The following ZNF567 variants were observed in gnomAD, a reference collection of about 807,000 sequenced individuals.
The protein encoded by ZNF567 is zinc finger protein 567.
A neutral mutation model predicts 53.9 loss-of-function variants in ZNF567; 36 were observed. That is an observed-to-expected ratio of 0.67 (90% CI 0.51 to 0.88). The LOEUF is 0.88. Among genes scored for constraint, ZNF567 ranks in the 40% least tolerant of loss-of-function variants. The probability of loss-of-function intolerance (pLI) is 0.00; values close to 1 mark genes in which losing one functional copy is unlikely to be tolerated. For missense variants in ZNF567, 619 were observed against 764.7 expected (o/e 0.81, Z 2.25); for synonymous variants, 224 against 260.4 (o/e 0.86, Z 1.35).
the ZNF567 span, among the ~76,000 whole-genome samples, chr19:36,680,171 A>G: frequency 6.6e-6 from 1 of 152,210 alleles, no homozygotes; most frequent in Admixed American, 6.5e-5. Flanking sequence ...GTACAAATAT[A>G]TACAATTATT....
intron 3 of ZNF567, among the ~76,000 whole-genome samples, chr19:36,699,706 T>G (rs1385534923): frequency 2.0e-5 from 3 of 152,212 alleles, no homozygotes; most frequent in Non-Finnish European, 2.9e-5. Flanking sequence ...CGTTCACTCA[T>G]GATTTGGCTC....
intron 3 of ZNF567, among the ~76,000 whole-genome samples, chr19:36,696,432 A>C (rs567615430): frequency 1.3e-5 from 2 of 152,194 alleles, no homozygotes; most frequent in East Asian, 3.9e-4. Context: ...CTCCAGCTAG[A>C]TATCGCCACC....
intron 3 of ZNF567, among the ~76,000 whole-genome samples, chr19:36,696,810 G>A (rs1004881259): frequency 1.3e-5 from 2 of 152,024 alleles, no homozygotes; most frequent in Non-Finnish European, 2.9e-5. Flanking sequence ...TTTTATTATG[G>A]TAAAATATAC....
Position 36,718,972 on chromosome 19 carries a change from T to G in ZNF567, c.248T>G (p.Phe83Cys), listed in dbSNP as rs1378449454. 6.4e-7 allele frequency: 1 copy of G among 1,565,964 alleles called. No homozygotes were observed. Among genetic ancestry groups the G allele is most frequent in the South Asian group, 1.2e-5 (1 of 82,878 alleles). ...CLEENWKAED[F>C]LVKFKEHQEK... The stretch of plus-strand genomic sequence containing the variant: ...GAAGAAAACTGGAAAGCTGAAGACT[T>G]TTTAGTGAAATTCAAGGAACACCAA... The change falls in exon 6 of 6, where the codon TTT becomes TGT. Residue 83 changes from phenylalanine to cysteine, a missense_variant. By Grantham distance (205) the Phe-to-Cys change is radical. Coordinates refer to ENST00000682579, the MANE Select transcript of ZNF567 (RefSeq NM_001322917.1).
chr19:36,710,280 C>CTT (rs35115492), intron 3 of ZNF567, among the ~76,000 whole-genome samples: 103 of 76,092 alleles, frequency 1.4e-3, no homozygotes, highest in African/African-American at 1.6e-3. Flanking sequence ...ACTTTGAAGC[C>CTT]TTTTTTTTTT....
At chr19:36,677,133 C>G in the ZNF567 span, among the ~76,000 whole-genome samples, 6 of 102,878 alleles carry the variant, frequency 5.8e-5, no homozygotes, top group Non-Finnish European at 9.0e-5. Context: ...CTAGCCTGGG[C>G]AACAAGAGCG....
chr19:36,713,643 C>A (rs1045649119), intron 5 of ZNF567, among the ~76,000 whole-genome samples: 3 of 150,864 alleles, frequency 2.0e-5, no homozygotes, highest in Non-Finnish European at 4.4e-5. Context: ...TTTTAAATAT[C>A]ACTCTCTCCG....
chr19:36,694,843 G>A lies in ZNF567; in HGVS notation c.-25G>A. The A allele has an allele frequency of 1.3e-6, 2 of 1,523,950 alleles. No individual in the cohort carries two copies. Among genetic ancestry groups the A allele is most frequent in the Non-Finnish European group, 1.7e-6 (2 of 1,143,720 alleles). 94.4% of individuals were successfully genotyped at this position (1,523,950 alleles called of 1,614,324 possible). ...AAAGAGGACTCCAAAGGAAGGACTG[G>A]TCATCTCTTTCATATCTCAAAACCA... On this transcript the variant is annotated 5_prime_UTR_variant, in exon 3 of 6. Transcript: ENST00000682579.
At chr19:36,708,147 C>A (rs2039596063) in intron 3 of ZNF567, among the ~76,000 whole-genome samples, 1 of 152,164 alleles carries the variant, frequency 6.6e-6, no homozygotes, top group African/African-American at 2.4e-5. Context: ...GTCTCAGCTT[C>A]CCAGAGTTCT....
At chr19:36,668,138 T>A in the ZNF567 span, 5 of 152,206 alleles carry the variant, frequency 3.3e-5, no homozygotes, top group Non-Finnish European at 7.3e-5. Context: ...AAAGACAGGG[T>A]CTCGCTATGT....
chr19:36,691,694 C>T (rs2038620545), intron 2 of ZNF567, among the ~76,000 whole-genome samples: 1 of 152,154 alleles, frequency 6.6e-6, no homozygotes, highest in Non-Finnish European at 1.5e-5. Context: ...GTAATTTCAT[C>T]TCATATAAAA....
chr19:36,716,524 A>G (rs969157420), intron 5 of ZNF567, among the ~76,000 whole-genome samples: 13 of 152,212 alleles, frequency 8.5e-5, no homozygotes, highest in African/African-American at 2.7e-4. Flanking sequence ...CTCAAAAATA[A>G]GATCCCTTTT....
At chr19:36,723,558 G>A (rs1192576480), downstream of ZNF567, among the ~76,000 whole-genome samples, 1 of 152,146 alleles carries the variant, frequency 6.6e-6, no homozygotes, top group Non-Finnish European at 1.5e-5. Context: ...TTTTGAGGCT[G>A]GGCGTGGTGT....
the ZNF567 span, among the ~76,000 whole-genome samples, chr19:36,675,175 TAA>T: frequency 1.3e-5 from 2 of 152,216 alleles, no homozygotes; most frequent in Non-Finnish European, 2.9e-5. Flanking sequence ...CAAGTATACT[TAA>T]GTTTAAATTT....
chr19:36,698,714 AAATGTCTTCTT>A (rs2039019023), intron 3 of ZNF567, among the ~76,000 whole-genome samples: 1 of 151,926 alleles, frequency 6.6e-6, no homozygotes, highest in East Asian at 1.9e-4. Flanking sequence ...TTGGCTGCAT[AAATGTCTTCTT>A]TTGAGAAGTG....
downstream of ZNF567, among the ~76,000 whole-genome samples, chr19:36,722,252 A>G (rs1369596987): frequency 6.6e-6 from 1 of 152,176 alleles, no homozygotes; most frequent in Non-Finnish European, 1.5e-5. Context: ...TATAACCAGT[A>G]TTTACTATGT....
intron 3 of ZNF567, among the ~76,000 whole-genome samples, chr19:36,695,116 A>C (rs3108563): frequency 2.0e-5 from 3 of 151,254 alleles, no homozygotes; most frequent in Middle Eastern, 6.9e-3. Context: ...CTCACACCTT[A>C]ACAGCACTTC....
At chr19:36,712,197 C>T in intron 3 of ZNF567, 189 bp from the exon 4 acceptor site, 1 of 492,192 alleles carries the variant, frequency 2.0e-6, no homozygotes. Flanking sequence ...CAGGCGCACA[C>T]CACTATGCCC....
At chr19:36,717,269 A>G (rs532875362) in intron 5 of ZNF567, among the ~76,000 whole-genome samples, 17 of 152,288 alleles carry the variant, frequency 1.1e-4, no homozygotes, top group Admixed American at 3.9e-4. Context: ...GGCAATAATT[A>G]TATTGCAAAT....
Sources: gnomAD v4.1 joint callset for allele counts (sites outside exome capture counted in the v4.1 genomes callset) on GRCh38, gnomAD v4.1.1 for gene constraint, MANE v1.5 for transcripts, NCBI Gene and HGNC (gene_info 2026-07-23, HGNC 2026-07-21) for gene names.